ZNRF3: variants seen among roughly 807,000 people sequenced by gnomAD.
ZNRF3 encodes the protein E3 ubiquitin-protein ligase ZNRF3.
Under a neutral mutation model 72.5 loss-of-function variants are expected in ZNRF3, and 23 were observed. The ratio of observed to expected loss-of-function variants is 0.32; its 90% CI spans 0.23 to 0.45. ZNRF3 has a LOEUF of 0.45. ZNRF3 is among the 20% of genes least tolerant of loss of function. The pLI is 1.00. For synonymous variants in ZNRF3, 610 were observed against 545.3 expected, an observed-to-expected ratio of 1.12 and a Z score of -1.65; for missense variants, 1,169 against 1,272.1, an observed-to-expected ratio of 0.92 and a Z score of 1.23.
chr22:29,020,775 G>GT (rs1569284213), intron 2 of ZNRF3, among the ~76,000 whole-genome samples: 978 of 59,146 alleles, frequency 0.017, 20 homozygotes, highest in Middle Eastern at 0.043. Context: ...GTGTGTGTGT[G>GT]GGTGTGTGTG....
chr22:28,995,228 G>T (rs2036027567), intron 2 of ZNRF3, among the ~76,000 whole-genome samples: 1 of 152,084 alleles, frequency 6.6e-6, no homozygotes, highest in Non-Finnish European at 1.5e-5. Flanking sequence ...GGTCAGGAGA[G>T]CCAGACCATC....
intron 2 of ZNRF3, among the ~76,000 whole-genome samples, chr22:29,040,183 C>A (rs2036935260): frequency 6.6e-6 from 1 of 151,764 alleles, no homozygotes; most frequent in Non-Finnish European, 1.5e-5. Flanking sequence ...GCACCCCCTC[C>A]CCCTTTTTTT....
intron 2 of ZNRF3, among the ~76,000 whole-genome samples, chr22:29,013,087 G>A (rs972799754): frequency 1.2e-4 from 19 of 152,118 alleles, no homozygotes; most frequent in African/African-American, 3.1e-4. Flanking sequence ...TTGGGAAGCC[G>A]AGTGCTGTTG....
chr22:28,969,620 G>T (rs1043758754), intron 1 of ZNRF3, among the ~76,000 whole-genome samples: 2 of 152,178 alleles, frequency 1.3e-5, no homozygotes. Flanking sequence ...CAGAAGAGAG[G>T]GGTCAAAGGT....
chr22:28,885,002 C>T (rs868201696), intron 1 of ZNRF3, among the ~76,000 whole-genome samples: 2 of 152,122 alleles, frequency 1.3e-5, no homozygotes, highest in African/African-American at 4.8e-5. Flanking sequence ...AGTTAATATG[C>T]GCGCCTCGGA....
At chr22:28,937,631 ATC>A in intron 1 of ZNRF3, among the ~76,000 whole-genome samples, 1 of 152,280 alleles carries the variant, frequency 6.6e-6, no homozygotes. Flanking sequence ...GGGCCTGAGA[ATC>A]TGCATTTCTA....
At position 28,904,067 on chromosome 22, in the gene ZNRF3, C is replaced by A. The variant is rs534892716; in HGVS notation, c.300+20001C>A. On this transcript the variant is annotated intron_variant, in intron 1 of 8. Coordinates refer to ENST00000544604, the MANE Select transcript of ZNRF3 (RefSeq NM_001206998.2). The stretch of plus-strand genomic sequence containing the variant: ...TCTGGCGTTAGAGAGTGAGCTTGTT[C>A]TTATCTAGTCTAAACTGGAAAAAAA... 2.1e-4 allele frequency among the ~76,000 whole-genome samples: 32 copies of A among 152,040 alleles called. No individual in the cohort carries two copies. The South Asian group carries it at 6.4e-3, about 31-fold the overall frequency.
At chr22:29,021,666 T>TTAG (rs1483551870) in intron 2 of ZNRF3, among the ~76,000 whole-genome samples, 11 of 152,120 alleles carry the variant, frequency 7.2e-5, no homozygotes, top group Non-Finnish European at 1.3e-4. Context: ...TTTTGTATAT[T>TTAG]TAGTAGAGGC....
chr22:28,901,523 A>ATGTGGCTGC (rs2034103049), intron 1 of ZNRF3, among the ~76,000 whole-genome samples: 1 of 151,554 alleles, frequency 6.6e-6, no homozygotes. Flanking sequence ...GTAGTTTAGT[A>ATGTGGCTGC]TGTGGCTGCT....
Position 29,049,291 on chromosome 22 carries a change from C to T in ZNRF3, c.1110C>T (p.Gly370=), listed in dbSNP as rs1234746741. Residue 370 remains glycine (G), a synonymous_variant, in exon 8 of 9, where the codon GGC becomes GGT. Coordinates refer to ENST00000544604, the MANE Select transcript of ZNRF3 (RefSeq NM_001206998.2). This position sits in a 1 kb window ranked among gnomAD's most constrained non-coding sequence, Gnocchi z 5.2. ...QRVTLPVHYP[G]RVHRTNAIPA... is the part of the protein sequence containing the mutation. ...TGACCCTGCCGGTGCATTACCCCGG[C>T]CGCGTGCACAGGACCAACGCCATCC... 1.9e-6 allele frequency: 3 copies of T among 1,613,930 alleles called. No homozygotes were observed. In the African/African-American group the frequency reaches 4.0e-5, roughly 22 times the overall value.
In ZNRF3 at chr22:29,032,374, G is replaced by T. The variant is rs961215849; in HGVS notation, c.427-10121G>T. ...CTTTGATATCCAGAGATGAGCACAC[G>T]CAGGGGCTGGGGCCTGATACAGATC... On this transcript the variant is annotated intron_variant, in intron 2 of 8. Coordinates refer to ENST00000544604, the MANE Select transcript of ZNRF3 (RefSeq NM_001206998.2). Among the ~76,000 whole-genome samples, 4 of 152,156 alleles carry T rather than the reference G, an allele frequency of 2.6e-5. No homozygotes were observed. In the South Asian group the frequency reaches 8.3e-4, roughly 32 times the overall value.
intron 1 of ZNRF3, among the ~76,000 whole-genome samples, chr22:28,978,841 C>T (rs2035719042): frequency 6.6e-6 from 1 of 152,170 alleles, no homozygotes; most frequent in South Asian, 2.1e-4. Context: ...TGACCTCCTC[C>T]TGTAGAAAAA....
chr22:28,916,023 G>T (rs926792467), intron 1 of ZNRF3, among the ~76,000 whole-genome samples: 4 of 152,116 alleles, frequency 2.6e-5, no homozygotes, highest in African/African-American at 9.7e-5. Context: ...TATTTCAAAA[G>T]AATAAATGAA....
chr22:28,991,728 C>T (rs1393871048), intron 2 of ZNRF3, among the ~76,000 whole-genome samples: 1 of 152,136 alleles, frequency 6.6e-6, no homozygotes, highest in Non-Finnish European at 1.5e-5. Flanking sequence ...AGAGAGTTCT[C>T]TACATAACCT....
intron 1 of ZNRF3, among the ~76,000 whole-genome samples, chr22:28,910,303 A>G (rs940771379): frequency 6.6e-6 from 1 of 152,110 alleles, no homozygotes; most frequent in Non-Finnish European, 1.5e-5. Flanking sequence ...GGCCTCTCAA[A>G]GTGCTGGGAT....
intron 1 of ZNRF3, among the ~76,000 whole-genome samples, chr22:28,966,100 C>T (rs1490372360): frequency 6.6e-6 from 1 of 152,222 alleles, no homozygotes; most frequent in Non-Finnish European, 1.5e-5. Context: ...TTTCCCGCTG[C>T]ATCTCCTGTC....
At position 29,050,182 on chromosome 22, in the gene ZNRF3, C is replaced by T. The variant is rs764924811; in HGVS notation, c.2001C>T (p.Tyr667=). The T allele has an allele frequency of 6.2e-7, 1 of 1,602,058 alleles. No individual in the cohort carries two copies. Among genetic ancestry groups the T allele is most frequent in the Admixed American group, 1.7e-5 (1 of 60,022 alleles). Residue 667 remains tyrosine (Y), a synonymous_variant, in exon 8 of 9, where the codon TAC becomes TAT. Transcript: ENST00000544604. The stretch of plus-strand genomic sequence containing the variant: ...CCACCTGCAGCCTGGAGATGAACTA[C>T]AGCAGCAACTCCTCCCTGGAGCACA... ...QVSTCSLEMN[Y]SSNSSLEHRG...
At position 29,024,284 on chromosome 22, in the gene ZNRF3, G is replaced by GTTTT. The variant is rs59532780; in HGVS notation, c.427-18201_427-18198dup. On this transcript the variant is annotated intron_variant, in intron 2 of 8. Coordinates refer to ENST00000544604, the MANE Select transcript of ZNRF3 (RefSeq NM_001206998.2). ...ATAATGACTTTCAAAGGCATTAACT[G>GTTTT]TTTTTTTTTTTTTGCTTTCAATTTT... is the stretch of plus-strand genomic sequence containing the variant. Among the ~76,000 whole-genome samples the GTTTT allele has an allele frequency of 2.3e-5, 3 of 127,826 alleles. 1 individual carries two copies. Among genetic ancestry groups the GTTTT allele is most frequent in the Non-Finnish European group, 4.9e-5 (3 of 60,696 alleles). 83.9% of individuals were successfully genotyped at this position (127,826 alleles called of 152,430 possible).
chr22:29,047,145 T>C (rs2037089965), intron 6 of ZNRF3, among the ~76,000 whole-genome samples: 1 of 152,174 alleles, frequency 6.6e-6, no homozygotes, highest in Non-Finnish European at 1.5e-5. Flanking sequence ...TAGTCCTAGC[T>C]ACTTGGGAGG....
Sources: gnomAD v4.1 joint callset for allele counts (sites outside exome capture counted in the v4.1 genomes callset) on GRCh38, gnomAD v4.1.1 for gene constraint, Gnocchi (gnomAD v3.1) non-coding constraint, MANE v1.5 for transcripts, NCBI Gene and HGNC (gene_info 2026-07-23, HGNC 2026-07-21) for gene names.